The following FBXL7 variants were observed in gnomAD, a reference collection of about 807,000 sequenced individuals.
The protein encoded by FBXL7 is F-box/LRR-repeat protein 7.
FBXL7 carries 12 observed loss-of-function variants against 38.3 expected under a neutral mutation model. The observed-to-expected ratio is 0.31, with a 90% confidence interval of 0.20 to 0.51. FBXL7 has a LOEUF of 0.51. Among genes scored for constraint, FBXL7 ranks in the 20% least tolerant of loss-of-function variants. FBXL7 has a pLI of 0.98. For missense variants in FBXL7, 567 were observed against 676.4 expected, an observed-to-expected ratio of 0.84 and a Z score of 1.79; for synonymous variants, 297 against 300.9, an observed-to-expected ratio of 0.99 and a Z score of 0.13.
chr5:15,606,696 C>T (rs1394674232), intron 1 of FBXL7: 4 of 152,182 alleles, frequency 2.6e-5, no homozygotes, highest in African/African-American at 9.7e-5. Flanking sequence ...CTTTCCTGCC[C>T]TCTCCTTCCC....
At position 15,539,822 on chromosome 5, in the gene FBXL7, CTT is replaced by C. The variant is rs150937447; in HGVS notation, c.37+39113_37+39114del. Among the ~76,000 whole-genome samples, 1,356 of 152,010 alleles carry C rather than the reference CTT, an allele frequency of 8.9e-3. 18 individuals are homozygous for C. Among genetic ancestry groups the C allele is most frequent in the African/African-American group, 0.03 (1,255 of 41,452 alleles). The stretch of plus-strand genomic sequence containing the variant: ...ACTCAGGATTATTCTTCTAAAAACT[CTT>C]TTTAAAAATTCTTATAAACAATTGT... On this transcript the variant is annotated intron_variant, in intron 1 of 3. Transcript: ENST00000504595.
chr5:15,503,600 T>C (rs1217782461), intron 1 of FBXL7, among the ~76,000 whole-genome samples: 1 of 152,208 alleles, frequency 6.6e-6, no homozygotes, highest in African/African-American at 2.4e-5. Context: ...GTATGCCATT[T>C]TCCTTTTTTT....
intron 2 of FBXL7, among the ~76,000 whole-genome samples, chr5:15,864,211 G>A (rs1739606870): frequency 6.7e-6 from 1 of 148,972 alleles, no homozygotes; most frequent in Non-Finnish European, 1.5e-5. Flanking sequence ...TGAACTTGGT[G>A]GTCATTAGAA....
At chr5:15,880,393 C>T (rs1380056733) in intron 2 of FBXL7, among the ~76,000 whole-genome samples, 3 of 152,182 alleles carry the variant, frequency 2.0e-5, no homozygotes, top group Admixed American at 1.3e-4. Flanking sequence ...GGAGAAGCTG[C>T]ACGTGCACCA....
chr5:15,843,326 A>G (rs1315579688), intron 2 of FBXL7, among the ~76,000 whole-genome samples: 3 of 152,106 alleles, frequency 2.0e-5, no homozygotes, highest in African/African-American at 7.2e-5. Flanking sequence ...ACACACACAC[A>G]TTTGCTTATT....
chr5:15,897,383 GA>G (rs1741129249), intron 2 of FBXL7, among the ~76,000 whole-genome samples: 1 of 152,110 alleles, frequency 6.6e-6, no homozygotes. Flanking sequence ...GTAGATGTTG[GA>G]AAATAGTTTT....
chr5:15,541,449 A>ATATAT (rs1737748936), intron 1 of FBXL7, among the ~76,000 whole-genome samples: 1 of 102,538 alleles, frequency 9.8e-6, no homozygotes, highest in African/African-American at 3.9e-5. Flanking sequence ...GTGTGTATAT[A>ATATAT]TATATATATA....
chr5:15,884,297 C>T (rs562928860), intron 2 of FBXL7, among the ~76,000 whole-genome samples: 25 of 150,522 alleles, frequency 1.7e-4, no homozygotes, highest in East Asian at 1.4e-3. Context: ...GATGGAGTCT[C>T]GCTCTGTCTC....
At chr5:15,762,224 T>C (rs1736466265) in intron 2 of FBXL7, among the ~76,000 whole-genome samples, 1 of 152,240 alleles carries the variant, frequency 6.6e-6, no homozygotes, top group Non-Finnish European at 1.5e-5. Flanking sequence ...CTCAGTTCCT[T>C]GTCATGGGAC....
At chr5:15,704,282 A>G (rs912762573) in intron 2 of FBXL7, among the ~76,000 whole-genome samples, 2 of 152,178 alleles carry the variant, frequency 1.3e-5, no homozygotes, top group African/African-American at 4.8e-5. Flanking sequence ...CTGTTAATAA[A>G]ATGAGAAATT....
chr5:15,868,368 C>T (rs1739809802), intron 2 of FBXL7, among the ~76,000 whole-genome samples: 1 of 152,204 alleles, frequency 6.6e-6, no homozygotes, highest in Admixed American at 6.5e-5. Flanking sequence ...AATTCTGACC[C>T]ACAAAACTGT....
At chr5:15,736,637 C>T (rs920258444) in intron 2 of FBXL7, among the ~76,000 whole-genome samples, 1 of 152,148 alleles carries the variant, frequency 6.6e-6, no homozygotes, top group Non-Finnish European at 1.5e-5. Flanking sequence ...CTCCATTTGG[C>T]TGATTTTAAG....
intron 1 of FBXL7, among the ~76,000 whole-genome samples, chr5:15,593,101 C>T (rs1183704375): frequency 6.6e-6 from 1 of 152,194 alleles, no homozygotes; most frequent in East Asian, 1.9e-4. Flanking sequence ...GAAAAGTGGA[C>T]AGACTGAAGC....
At chr5:15,796,634 C>G (rs1737423357) in intron 2 of FBXL7, among the ~76,000 whole-genome samples, 1 of 152,184 alleles carries the variant, frequency 6.6e-6, no homozygotes, top group Non-Finnish European at 1.5e-5. Context: ...AGGTTTTATA[C>G]CCTGCCGTGA....
intron 2 of FBXL7, among the ~76,000 whole-genome samples, chr5:15,854,376 A>G (rs1055903027): frequency 6.6e-6 from 1 of 152,178 alleles, no homozygotes; most frequent in Non-Finnish European, 1.5e-5. Flanking sequence ...GTTAGCCATC[A>G]TATTAATTAT....
At chr5:15,702,235 C>CAAAAA in intron 2 of FBXL7, among the ~76,000 whole-genome samples, 1 of 137,122 alleles carries the variant, frequency 7.3e-6, no homozygotes, top group South Asian at 2.4e-4. Flanking sequence ...AGACTCCTCT[C>CAAAAA]AAAAAAAAAA....
At chr5:15,873,878 A>G (rs1279636767) in intron 2 of FBXL7, among the ~76,000 whole-genome samples, 1 of 152,136 alleles carries the variant, frequency 6.6e-6, no homozygotes, top group Non-Finnish European at 1.5e-5. Flanking sequence ...ACTATTCCAA[A>G]CGATAGAAAA....
chr5:15,766,026 GTCTGTCTGTCTGTCTA>G (rs1736580035), intron 2 of FBXL7, among the ~76,000 whole-genome samples: 1 of 136,466 alleles, frequency 7.3e-6, no homozygotes, highest in Admixed American at 7.6e-5. Context: ...CTGTCTGTCT[GTCTGTCTGTCTGTCTA>G]TCTACCTACC....
Position 15,696,790 on chromosome 5 carries a change from C to T in FBXL7, c.127+80718C>T, listed in dbSNP as rs189654371. On this transcript the variant is annotated intron_variant, in intron 2 of 3. Coordinates refer to ENST00000504595, the MANE Select transcript of FBXL7 (RefSeq NM_012304.5). Reference sequence around the variant, plus strand: ...ACATTGAGAACCTGTGGAACAACGTCCTCTCCCTGGAACCTCATCATTGTT... The same window carrying T: ...ACATTGAGAACCTGTGGAACAACGTTCTCTCCCTGGAACCTCATCATTGTT... Among the ~76,000 whole-genome samples the T allele has an allele frequency of 4.0e-3, 611 of 152,304 alleles. 2 individuals carry two copies. Among genetic ancestry groups the T allele is most frequent in the Non-Finnish European group, 4.2e-3 (284 of 68,044 alleles).
Sources: allele counts gnomAD v4.1 joint callset (sites outside exome capture counted in the v4.1 genomes callset), GRCh38; gene constraint gnomAD v4.1.1; transcripts MANE v1.5; gene names NCBI Gene and HGNC (gene_info 2026-07-23, HGNC 2026-07-21).